The following MEGF11 variants were observed in gnomAD, a reference collection of about 807,000 sequenced individuals.
The protein encoded by MEGF11 is multiple EGF like domains 11.
In MEGF11, 126 loss-of-function variants were observed where a neutral mutation model predicts 146.6. The ratio of observed to expected loss-of-function variants is 0.86; its 90% CI spans 0.74 to 1.00. The LOEUF (loss-of-function observed/expected upper bound fraction) is 1.00. MEGF11 is among the 50% of genes least tolerant of loss of function. MEGF11 has a pLI of 0.00. For synonymous variants in MEGF11, 532 were observed against 583.4 expected, an observed-to-expected ratio of 0.91 and a Z score of 1.27; for missense variants, 1,509 against 1,521.2, an observed-to-expected ratio of 0.99 and a Z score of 0.13.
intron 10 of MEGF11, among the ~76,000 whole-genome samples, chr15:65,943,430 G>A (rs757446344): frequency 6.6e-6 from 1 of 152,140 alleles, no homozygotes; most frequent in Non-Finnish European, 1.5e-5. Context: ...ACTTCTCCAC[G>A]TGCATGTTCT....
At chr15:66,015,810 C>T (rs1463102193) in intron 5 of MEGF11, among the ~76,000 whole-genome samples, 1 of 150,376 alleles carries the variant, frequency 6.6e-6, no homozygotes, top group African/African-American at 2.4e-5. Flanking sequence ...GGGCCACAGC[C>T]TGAGAGGACG....
chr15:66,036,938 C>A (rs2083748450), intron 5 of MEGF11, among the ~76,000 whole-genome samples: 1 of 152,230 alleles, frequency 6.6e-6, no homozygotes, highest in Non-Finnish European at 1.5e-5. Flanking sequence ...CCCTGGGGAT[C>A]CTCCCAGGCC....
At chr15:65,942,455 T>A (rs1372793215) in intron 10 of MEGF11, among the ~76,000 whole-genome samples, 2 of 152,160 alleles carry the variant, frequency 1.3e-5, no homozygotes, top group Non-Finnish European at 2.9e-5. Flanking sequence ...GATGGCGGAA[T>A]AACAGGCAGT....
rs148874317 is a variant in MEGF11 at position 65,988,757 on chromosome 15, T to G, written c.395-6269A>C. Among the ~76,000 whole-genome samples, 264 of 152,384 alleles carry G rather than the reference T, an allele frequency of 1.7e-3. 1 individual carries two copies. Among genetic ancestry groups the G allele is most frequent in the African/African-American group, 5.9e-3 (244 of 41,592 alleles). On this transcript the variant is annotated intron_variant, in intron 5 of 25. Coordinates refer to ENST00000395614, the MANE Select transcript of MEGF11 (RefSeq NM_001385028.1). ...TGTGCCCAGTCTGCTGCATTAGCCC[T>G]GGAGTCTCTCTGGGCTGGAGGAAGA... is the stretch of plus-strand genomic sequence containing the variant.
Position 65,930,879 on chromosome 15 carries a change from C to T in MEGF11, c.1352G>A (p.Ser451Asn). The T allele has an allele frequency of 2.5e-6, 4 of 1,611,886 alleles. No homozygotes were observed. The highest frequency in any genetic ancestry group is 3.4e-6 in the Non-Finnish European group (4 of 1,178,874). Residue 451 changes from serine (S) to asparagine (N), a missense_variant, in exon 11 of 26, where the codon AGC becomes AAC. Transcript: ENST00000395614. Reference sequence around the variant, plus strand: ...GGAGCAGGTGCCACCATTGTTACAGCTACAGATGGACGAGCAGTTGGGGCC... The same window carrying T: ...GGAGCAGGTGCCACCATTGTTACAGTTACAGATGGACGAGCAGTTGGGGCC... ...TYGPNCSSIC[S>N]CNNGGTCSPV...
At chr15:66,108,638 A>G (rs946657178) in intron 4 of MEGF11, among the ~76,000 whole-genome samples, 2 of 152,146 alleles carry the variant, frequency 1.3e-5, no homozygotes, top group Admixed American at 1.3e-4. Context: ...GGGGAAGAGC[A>G]TTCCGGGCAG....
intron 1 of MEGF11, among the ~76,000 whole-genome samples, chr15:66,207,053 A>G (rs1375007071): frequency 1.3e-5 from 2 of 152,212 alleles, no homozygotes; most frequent in Admixed American, 6.5e-5. Context: ...AGCCTCAGAA[A>G]GCCATAATAC....
chr15:65,996,951 C>T (rs1040520647), intron 5 of MEGF11, among the ~76,000 whole-genome samples: 2 of 152,236 alleles, frequency 1.3e-5, no homozygotes, highest in African/African-American at 4.8e-5. Flanking sequence ...TTCTCCATGG[C>T]GCCACTTCCC....
At chr15:65,964,879 T>G (rs200486188) in intron 9 of MEGF11, 29 bp downstream of exon 9, 2 of 1,478,718 alleles carry the variant, frequency 1.4e-6, no homozygotes, top group Non-Finnish European at 1.8e-6. Flanking sequence ...CCCGCCCTTG[T>G]CCCGGGCTCG....
intron 5 of MEGF11, among the ~76,000 whole-genome samples, chr15:66,023,148 A>AAAT (rs1567206472): frequency 6.6e-6 from 1 of 150,900 alleles, no homozygotes; most frequent in Non-Finnish European, 1.5e-5. Flanking sequence ...CTCAAAAAAA[A>AAAT]AAAAAAACAA....
At chr15:66,187,156 T>C (rs2090731081) in intron 1 of MEGF11, among the ~76,000 whole-genome samples, 1 of 152,220 alleles carries the variant, frequency 6.6e-6, no homozygotes, top group Non-Finnish European at 1.5e-5. Flanking sequence ...TCTTAAAACA[T>C]ATTGTTTTGG....
chr15:66,042,898 T>C (rs1248471215), intron 5 of MEGF11, among the ~76,000 whole-genome samples: 2 of 152,110 alleles, frequency 1.3e-5, no homozygotes, highest in South Asian at 4.2e-4. Context: ...ATGACCCTAC[T>C]TCCAAATAAG....
intron 1 of MEGF11, among the ~76,000 whole-genome samples, chr15:66,211,404 G>A (rs2091446348): frequency 6.6e-6 from 1 of 151,826 alleles, no homozygotes; most frequent in Non-Finnish European, 1.5e-5. Flanking sequence ...GGCACCTGTA[G>A]TCCCAGCTAC....
intron 21 of MEGF11, among the ~76,000 whole-genome samples, chr15:65,910,971 G>C (rs1383083075): frequency 1.3e-5 from 2 of 152,192 alleles, no homozygotes; most frequent in Non-Finnish European, 2.9e-5. Context: ...CTTGGGGGCT[G>C]TTCTTCCTCA....
At chr15:66,091,043 A>G (rs559196137) in intron 5 of MEGF11, among the ~76,000 whole-genome samples, 4 of 152,288 alleles carry the variant, frequency 2.6e-5, no homozygotes, top group Admixed American at 2.6e-4. Context: ...AACAGGTATA[A>G]CTTAAGAACC....
Position 66,100,791 on chromosome 15 carries a change from G to A in MEGF11, c.302-6297C>T, listed in dbSNP as rs901504210. Among the ~76,000 whole-genome samples, 26 of 140,808 alleles carry A rather than the reference G, an allele frequency of 1.8e-4. No individual in the cohort carries two copies. In the East Asian group the frequency reaches 5.9e-3, roughly 32 times the overall value. The allele number at this position is 140,808 out of a possible 152,430, so 92.4% of individuals were successfully genotyped here. A position where few individuals can be genotyped will look rare whatever the true frequency, so the allele number is the denominator to read the frequency against. The stretch of plus-strand genomic sequence containing the variant: ...ATAAGTCACAGTTCCTTCTTTCGTG[G>A]TACCAACAACCTGATGGCAGGAAAG... On this transcript the variant is annotated intron_variant, in intron 4 of 25. Transcript: ENST00000395614.
intron 7 of MEGF11, among the ~76,000 whole-genome samples, chr15:65,976,437 C>T (rs530007818): frequency 6.6e-6 from 1 of 152,180 alleles, no homozygotes; most frequent in East Asian, 1.9e-4. Flanking sequence ...AAGATGAGGT[C>T]ATATGGGGGG....
At chr15:66,066,821 T>C (rs2085148150) in intron 5 of MEGF11, among the ~76,000 whole-genome samples, 2 of 152,202 alleles carry the variant, frequency 1.3e-5, no homozygotes, top group Non-Finnish European at 2.9e-5. Context: ...TGTGTTTCCA[T>C]TTTGCTGCAG....
rs371319336 is a variant in MEGF11, at chr15:66,168,880, T to C, written c.-8-40469A>G. 2.9e-3 allele frequency among the ~76,000 whole-genome samples: 435 copies of C among 152,172 alleles called. 2 individuals are homozygous for C. Among genetic ancestry groups the C allele is most frequent in the East Asian group, 0.016 (82 of 5,174 alleles). On this transcript the variant is annotated intron_variant, in intron 1 of 25. Transcript: ENST00000395614. ...GCGCATGCCTGTAATCCCAGCTACT[T>C]GGGAGGCTGAGGCAGGAGAATTGCT...
Sources: allele counts gnomAD v4.1 joint callset (sites outside exome capture counted in the v4.1 genomes callset), GRCh38; gene constraint gnomAD v4.1.1; transcripts MANE v1.5; gene names NCBI Gene and HGNC (gene_info 2026-07-23, HGNC 2026-07-21).